CEP126: variants seen among roughly 807,000 people sequenced by gnomAD.
CEP126 encodes the protein centrosomal protein of 126 kDa.
CEP126 carries 74 observed loss-of-function variants against 107.8 expected under a neutral mutation model. The ratio of observed to expected loss-of-function variants is 0.69; its 90% CI spans 0.57 to 0.83. CEP126 has a LOEUF of 0.83. Ranked by LOEUF, CEP126 falls within the 40% of genes least tolerant of loss-of-function variation. The pLI is 0.00. For missense variants in CEP126, 1,237 were observed against 1,281.9 expected (o/e 0.96, Z 0.53); for synonymous variants, 449 against 446.0 (o/e 1.01, Z -0.08).
At chr11:101,967,078 G>C (rs1941066372) in intron 6 of CEP126, among the ~76,000 whole-genome samples, 1 of 142,132 alleles carries the variant, frequency 7.0e-6, no homozygotes, top group Non-Finnish European at 1.5e-5. Context: ...GACCAGGCTA[G>C]GGCGCAGTGG....
At chr11:101,978,212 A>G in intron 6 of CEP126, 135 bp from the exon 7 acceptor site, 1 of 670,616 alleles carries the variant, frequency 1.5e-6, no homozygotes. Context: ...GAGGAGCTCA[A>G]TAAAGCATGC....
intron 2 of CEP126, among the ~76,000 whole-genome samples, chr11:101,929,744 C>T (rs1940465373): frequency 6.6e-6 from 1 of 152,188 alleles, no homozygotes. Flanking sequence ...AGGCGTTCTA[C>T]TCAGCTTCTC....
chr11:101,958,754 T>C (rs1383872212), intron 5 of CEP126, among the ~76,000 whole-genome samples: 1 of 152,234 alleles, frequency 6.6e-6, no homozygotes, highest in Non-Finnish European at 1.5e-5. Flanking sequence ...TTCCTACATG[T>C]CCATCCATGT....
At chr11:101,933,952 A>G (rs1322009251) in intron 2 of CEP126, among the ~76,000 whole-genome samples, 1 of 152,032 alleles carries the variant, frequency 6.6e-6, no homozygotes, top group East Asian at 1.9e-4. Flanking sequence ...CTCTGCTTAC[A>G]GCTTCTGTTT....
At chr11:101,919,164 G>C (rs575612339) in intron 1 of CEP126, among the ~76,000 whole-genome samples, 29 of 152,246 alleles carry the variant, frequency 1.9e-4, no homozygotes, top group Admixed American at 1.1e-3. Flanking sequence ...AGAGTAAGAA[G>C]AATTAGAGGA....
chr11:101,980,683 G>C (rs763918703), intron 7 of CEP126, among the ~76,000 whole-genome samples: 53 of 152,158 alleles, frequency 3.5e-4, no homozygotes, highest in Non-Finnish European at 6.6e-4. Flanking sequence ...TCAGTCACTA[G>C]AACAGTGGCC....
chr11:101,940,983 A>G (rs1940655917), intron 2 of CEP126, among the ~76,000 whole-genome samples: 1 of 152,290 alleles, frequency 6.6e-6, no homozygotes, highest in East Asian at 1.9e-4. Flanking sequence ...GAGACTGACT[A>G]TGGCTACCAT....
intron 2 of CEP126, among the ~76,000 whole-genome samples, chr11:101,923,501 C>T (rs1214530194): frequency 2.0e-5 from 3 of 152,128 alleles, no homozygotes; most frequent in Admixed American, 6.5e-5. Flanking sequence ...AATCCCTAGA[C>T]TTTATTAACT....
chr11:101,993,548 C>T (rs1047234329), intron 10 of CEP126, among the ~76,000 whole-genome samples: 38 of 152,182 alleles, frequency 2.5e-4, no homozygotes, highest in African/African-American at 8.4e-4. Flanking sequence ...GAATGATTTG[C>T]ATTCCTTCAG....
rs1185250157 is a variant in CEP126, at chr11:101,998,865, C to G, written c.*1222C>G. ...GAGAAACTGAGCCAAGGCCACATAG[C>G]TACCTACAGTGACAGAATCAAAATT... On this transcript the variant is annotated 3_prime_UTR_variant, in exon 11 of 11. Transcript: ENST00000263468. 6.6e-6 allele frequency: 1 copy of G among 152,078 alleles called. No individual in the cohort carries two copies. Among genetic ancestry groups the G allele is most frequent in the Non-Finnish European group, 1.5e-5 (1 of 68,026 alleles). 9.4% of individuals were successfully genotyped at this position (152,078 alleles called of 1,614,324 possible). A position where few individuals can be genotyped will look rare whatever the true frequency, so the allele number is the denominator to read the frequency against.
intron 4 of CEP126, among the ~76,000 whole-genome samples, chr11:101,949,149 A>G (rs866618445): frequency 1.3e-5 from 2 of 152,240 alleles, no homozygotes; most frequent in African/African-American, 4.8e-5. Flanking sequence ...AATCAAAAGC[A>G]TGATATACTC....
In CEP126 at chr11:101,998,688, T is replaced by C. The variant is rs888837502; in HGVS notation, c.*1045T>C. 6 of 151,838 alleles carry C rather than the reference T, an allele frequency of 4.0e-5. No individual in the cohort carries two copies. The highest frequency in any genetic ancestry group is 1.5e-4 in the African/African-American group (6 of 41,328). The allele number at this position is 151,838 out of a possible 1,614,324, so 9.4% of individuals were successfully genotyped here. ...ATTAATAACACTACTAAATTTTGGT[T>C]CCTCCATAGAATTAGTTTTGAAACA... On this transcript the variant is annotated 3_prime_UTR_variant, in exon 11 of 11. Coordinates refer to ENST00000263468, the MANE Select transcript of CEP126 (RefSeq NM_020802.4).
intron 2 of CEP126, 41 bp from the exon 3 acceptor site, chr11:101,944,224 T>G (rs1565354870): frequency 6.7e-7 from 1 of 1,487,194 alleles, no homozygotes; most frequent in Non-Finnish European, 8.9e-7. Flanking sequence ...TTTCTAAACT[T>G]ACCACCTATT....
chr11:101,969,138 A>G (rs1941095199), intron 6 of CEP126, among the ~76,000 whole-genome samples: 1 of 152,072 alleles, frequency 6.6e-6, no homozygotes, highest in South Asian at 2.1e-4. Flanking sequence ...CTCCCACCTC[A>G]GCCCCACAAG....
At position 101,962,075 on chromosome 11, in the gene CEP126, A is replaced by C. The variant is rs1940981980; in HGVS notation, c.1040A>C (p.Glu347Ala). The C allele has an allele frequency of 6.2e-7, 1 of 1,612,652 alleles. No homozygotes were observed. Among genetic ancestry groups the C allele is most frequent in the South Asian group, 1.1e-5 (1 of 90,784 alleles). Residue 347 changes from glutamate to alanine, a missense_variant, in exon 6 of 11, where the codon GAA (glutamate) becomes GCA (alanine). By Grantham distance (107) the Glu-to-Ala change is moderately radical. Transcript: ENST00000263468. Reference protein sequence around the residue: ...LPSWEYFNSKEQNPSPLNGTV... With the variant: ...LPSWEYFNSKAQNPSPLNGTV... Reference sequence around the variant, plus strand: ...TCATGGGAATATTTTAATAGTAAAGAACAAAATCCATCTCCTTTGAATGGA... The same window carrying C: ...TCATGGGAATATTTTAATAGTAAAGCACAAAATCCATCTCCTTTGAATGGA...
intron 6 of CEP126, among the ~76,000 whole-genome samples, chr11:101,971,752 A>G (rs751952736): frequency 3.9e-5 from 6 of 152,212 alleles, no homozygotes; most frequent in Non-Finnish European, 7.3e-5. Flanking sequence ...GTGACATATA[A>G]GAACAAGTTA....
In CEP126 at chr11:101,915,124, G is replaced by A; in HGVS notation, c.-161G>A. On this transcript the variant is annotated 5_prime_UTR_variant, in exon 1 of 11. Coordinates refer to ENST00000263468, the MANE Select transcript of CEP126 (RefSeq NM_020802.4). Reference sequence around the variant, plus strand: ...CATCGCCGCTACAGGCACCAGTGCCGCTGCGCGGGAGCTAGGGCTGTCGAG... The same window carrying A: ...CATCGCCGCTACAGGCACCAGTGCCACTGCGCGGGAGCTAGGGCTGTCGAG... 2 of 1,099,704 alleles carry A rather than the reference G, an allele frequency of 1.8e-6. No homozygotes were observed. The highest frequency in any genetic ancestry group is 2.5e-6 in the Non-Finnish European group (2 of 791,570). 68.1% of individuals were successfully genotyped at this position (1,099,704 alleles called of 1,614,324 possible). A position where few individuals can be genotyped will look rare whatever the true frequency, so the allele number is the denominator to read the frequency against.
chr11:101,950,978 G>A (rs1940804492), intron 4 of CEP126, among the ~76,000 whole-genome samples: 1 of 152,090 alleles, frequency 6.6e-6, no homozygotes, highest in Non-Finnish European at 1.5e-5. Context: ...GAAATTGGAG[G>A]CAAGGAGACC....
intron 9 of CEP126, among the ~76,000 whole-genome samples, chr11:101,989,051 A>G (rs1019096869): frequency 6.6e-6 from 1 of 152,170 alleles, no homozygotes; most frequent in African/African-American, 2.4e-5. Flanking sequence ...CCTTTATAAA[A>G]TGAACCATGT....
Sources: allele counts gnomAD v4.1 joint callset (sites outside exome capture counted in the v4.1 genomes callset), GRCh38; gene constraint gnomAD v4.1.1; transcripts MANE v1.5; gene names NCBI Gene and HGNC (gene_info 2026-07-23, HGNC 2026-07-21).